The following PPP2R2C variants were observed in gnomAD, a reference collection of about 807,000 sequenced individuals.
PPP2R2C encodes protein phosphatase 2 regulatory subunit Bgamma.
In PPP2R2C, 10 loss-of-function variants were observed where a neutral mutation model predicts 45.3. The ratio of observed to expected loss-of-function variants is 0.22; its 90% CI spans 0.14 to 0.37. The LOEUF (loss-of-function observed/expected upper bound fraction) is 0.37, where lower values mean the gene tolerates loss of function less well. Among genes scored for constraint, PPP2R2C ranks in the 10% least tolerant of loss-of-function variants. PPP2R2C has a pLI of 1.00. For synonymous variants in PPP2R2C, 257 were observed against 245.4 expected, an observed-to-expected ratio of 1.05 and a Z score of -0.44; for missense variants, 308 against 619.7, an observed-to-expected ratio of 0.50 and a Z score of 5.34.
At chr4:6,441,984 C>T (rs538831604) in intron 1 of PPP2R2C, among the ~76,000 whole-genome samples, 90 of 152,382 alleles carry the variant, frequency 5.9e-4, no homozygotes, top group African/African-American at 2.1e-3. Flanking sequence ...GTGGAAGGCT[C>T]CTGACCACCT....
chr4:6,487,151 C>T (rs1310787658), intron 2 of PPP2R2C, among the ~76,000 whole-genome samples: 2 of 152,060 alleles, frequency 1.3e-5, no homozygotes, highest in Non-Finnish European at 2.9e-5. Context: ...TCTCCCCTCT[C>T]AGCCTTTTTG....
At chr4:6,539,230 G>C (rs752952102) in intron 1 of PPP2R2C, among the ~76,000 whole-genome samples, 1 of 152,146 alleles carries the variant, frequency 6.6e-6, no homozygotes, top group Admixed American at 6.5e-5. Flanking sequence ...TGGAGGTTGG[G>C]ATGAGGCTTC....
intron 1 of PPP2R2C, among the ~76,000 whole-genome samples, chr4:6,541,025 G>A (rs960631851): frequency 6.6e-6 from 1 of 152,120 alleles, no homozygotes; most frequent in African/African-American, 2.4e-5. Context: ...ATTACAAAAT[G>A]GCTGCCATTG....
At position 6,415,731 on chromosome 4, in the gene PPP2R2C, A is replaced by C. The variant is rs147155695; in HGVS notation, c.71-34637T>G. ...GGGCTTTGAAGAGCTGTGGTCACCC[A>C]GGAGGGGAACTGAAGGTCATCCAGT... On this transcript the variant is annotated intron_variant, in intron 1 of 8. Coordinates refer to ENST00000382599, the MANE Select transcript of PPP2R2C (RefSeq NM_020416.4). Among the ~76,000 whole-genome samples the C allele has an allele frequency of 4.5e-3, 687 of 152,336 alleles. 5 individuals carry two copies. The highest frequency in any genetic ancestry group is 0.015 in the African/African-American group (642 of 41,566).
At chr4:6,450,142 A>G (rs1720658070) in intron 1 of PPP2R2C, among the ~76,000 whole-genome samples, 1 of 152,196 alleles carries the variant, frequency 6.6e-6, no homozygotes, top group African/African-American at 2.4e-5. Context: ...GCCAAATCCC[A>G]ATTCCAGCAT....
At chr4:6,416,168 C>CCAGA (rs761249525) in intron 1 of PPP2R2C, among the ~76,000 whole-genome samples, 2 of 152,178 alleles carry the variant, frequency 1.3e-5, no homozygotes, top group South Asian at 2.1e-4. Context: ...ACCAGCCTAA[C>CCAGA]AAGGATAACA....
intron 1 of PPP2R2C, among the ~76,000 whole-genome samples, chr4:6,450,857 G>A (rs1445952847): frequency 6.6e-6 from 1 of 152,142 alleles, no homozygotes; most frequent in African/African-American, 2.4e-5. Flanking sequence ...CTGCCACATT[G>A]CATAGCTCCT....
chr4:6,491,194 G>A (rs1016458935), intron 2 of PPP2R2C, among the ~76,000 whole-genome samples: 3 of 152,208 alleles, frequency 2.0e-5, no homozygotes, highest in African/African-American at 7.2e-5. Flanking sequence ...GCAGGAATTT[G>A]TATTGTTGGG....
At chr4:6,333,217 C>T (rs1256565139) in intron 7 of PPP2R2C, among the ~76,000 whole-genome samples, 1 of 152,122 alleles carries the variant, frequency 6.6e-6, no homozygotes, top group Non-Finnish European at 1.5e-5. Flanking sequence ...ATGCAGGCTC[C>T]CAGGGAGTGG....
chr4:6,389,560 G>T (rs915415257), intron 1 of PPP2R2C, among the ~76,000 whole-genome samples: 8 of 152,212 alleles, frequency 5.3e-5, no homozygotes, highest in African/African-American at 1.9e-4. Flanking sequence ...CCTGGTATGG[G>T]CTTGGCGAGC....
chr4:6,551,590 G>A (rs1725185925), intron 1 of PPP2R2C, among the ~76,000 whole-genome samples: 1 of 152,192 alleles, frequency 6.6e-6, no homozygotes, highest in South Asian at 2.1e-4. Context: ...GGGCATCAAA[G>A]GCCACACAAC....
At chr4:6,426,169 G>A (rs149342683) in intron 1 of PPP2R2C, among the ~76,000 whole-genome samples, 5 of 152,308 alleles carry the variant, frequency 3.3e-5, no homozygotes, top group African/African-American at 9.6e-5. Flanking sequence ...CCAGCCTTGG[G>A]GTGTCAGGAA....
intron 1 of PPP2R2C, among the ~76,000 whole-genome samples, chr4:6,417,012 C>T (rs762449196): frequency 3.3e-5 from 5 of 152,232 alleles, no homozygotes; most frequent in Non-Finnish European, 5.9e-5. Flanking sequence ...CTGCTCCCTC[C>T]ACACCTGCCT....
At chr4:6,446,945 G>C (rs866000752) in intron 1 of PPP2R2C, among the ~76,000 whole-genome samples, 2 of 152,084 alleles carry the variant, frequency 1.3e-5, no homozygotes, top group African/African-American at 4.8e-5. Context: ...TGCAACAGAG[G>C]CGAAGGGGTG....
At position 6,355,842 on chromosome 4, in the gene PPP2R2C, A is replaced by G. The variant is rs530828972; in HGVS notation, c.626-7832T>C. ...CCTGACTCTACTAAAAATACAAAAA[A>G]AATTAGCTGGGCGTGGTAGTGGGCA... On this transcript the variant is annotated intron_variant, in intron 5 of 8. Coordinates refer to ENST00000382599, the MANE Select transcript of PPP2R2C (RefSeq NM_020416.4). 9.0e-4 allele frequency among the ~76,000 whole-genome samples: 136 copies of G among 151,032 alleles called. 1 individual carries two copies. The highest frequency in any genetic ancestry group is 3.2e-3 in the African/African-American group (133 of 41,266).
At chr4:6,422,936 T>C (rs1719069175) in intron 1 of PPP2R2C, among the ~76,000 whole-genome samples, 1 of 152,186 alleles carries the variant, frequency 6.6e-6, no homozygotes, top group Non-Finnish European at 1.5e-5. Flanking sequence ...ACAGAGCACC[T>C]GCCAAGTGCC....
rs879301634 is a variant in PPP2R2C at position 6,539,965 on chromosome 4, C to T, written c.-58-4588G>A. Reference sequence around the variant, plus strand: ...GCCACGTGGCCACCTGCCCCAGGCCCGTGAGGACCCTGCAGTTAGCCCTGC... The same window carrying T: ...GCCACGTGGCCACCTGCCCCAGGCCTGTGAGGACCCTGCAGTTAGCCCTGC... On this transcript the variant is annotated intron_variant, in intron 1 of 9. Coordinates refer to the PPP2R2C transcript ENST00000506140. Among the ~76,000 whole-genome samples, 8 of 152,298 alleles carry T rather than the reference C, an allele frequency of 5.3e-5. 1 individual carries two copies. The Middle Eastern group carries it at 0.01, about 194-fold the overall frequency.
chr4:6,422,612 C>CT (rs1433781135), intron 1 of PPP2R2C, among the ~76,000 whole-genome samples: 1 of 152,220 alleles, frequency 6.6e-6, no homozygotes, highest in Non-Finnish European at 1.5e-5. Context: ...TCTCTCCTGG[C>CT]TTGCAGATGG....
intron 6 of PPP2R2C, among the ~76,000 whole-genome samples, chr4:6,347,276 G>A (rs1214890461): frequency 6.6e-6 from 1 of 152,178 alleles, no homozygotes; most frequent in Non-Finnish European, 1.5e-5. Context: ...CTGTTATGCT[G>A]GGGGCTGCTG....
Sources: allele counts gnomAD v4.1 joint callset (sites outside exome capture counted in the v4.1 genomes callset), GRCh38; gene constraint gnomAD v4.1.1; transcripts MANE v1.5; gene names NCBI Gene and HGNC (gene_info 2026-07-23, HGNC 2026-07-21).